The following ZNF831 variants were observed in gnomAD, a reference collection of about 807,000 sequenced individuals.
ZNF831 encodes the protein zinc finger protein 831.
A neutral mutation model predicts 95.8 loss-of-function variants in ZNF831; 59 were observed. The ratio of observed to expected loss-of-function variants is 0.62; its 90% CI spans 0.50 to 0.77. ZNF831 has a LOEUF of 0.77. ZNF831 is among the 30% of genes least tolerant of loss of function. The pLI is 0.00. For synonymous variants in ZNF831, 961 were observed against 925.5 expected (o/e 1.04, Z -0.70); for missense variants, 2,205 against 2,164.0 (o/e 1.02, Z -0.38).
intron 1 of ZNF831, among the ~76,000 whole-genome samples, chr20:59,132,696 A>G (rs1331497207): frequency 6.6e-6 from 1 of 151,934 alleles, no homozygotes; most frequent in Non-Finnish European, 1.5e-5. Context: ...ACTTTTTTGT[A>G]ATCACCAGAT....
chr20:59,251,893 A>T (rs1483474857), intron 4 of ZNF831, among the ~76,000 whole-genome samples: 1 of 152,254 alleles, frequency 6.6e-6, no homozygotes, highest in Non-Finnish European at 1.5e-5. Flanking sequence ...GCTGACAGGT[A>T]TTCTCCTAAA....
chr20:59,162,458 A>G (rs1980931451), upstream of ZNF831, among the ~76,000 whole-genome samples: 1 of 152,210 alleles, frequency 6.6e-6, no homozygotes, highest in South Asian at 2.1e-4. Context: ...GTCCAGTTTC[A>G]TTCTGGAATT....
intron 1 of ZNF831, among the ~76,000 whole-genome samples, chr20:59,173,473 C>T (rs1009808676): frequency 3.3e-5 from 5 of 152,100 alleles, no homozygotes; most frequent in South Asian, 4.1e-4. Flanking sequence ...CTCAAGGACG[C>T]GAAAAGAAAT....
chr20:59,156,527 AAAAT>A (rs548130607), intron 2 of ZNF831, among the ~76,000 whole-genome samples: 2 of 152,160 alleles, frequency 1.3e-5, no homozygotes, highest in African/African-American at 2.4e-5. Context: ...CTCTGTCTCA[AAAAT>A]AAATAAATAA....
intron 4 of ZNF831, among the ~76,000 whole-genome samples, chr20:59,231,893 G>A (rs983629261): frequency 6.6e-6 from 1 of 152,176 alleles, no homozygotes; most frequent in Non-Finnish European, 1.5e-5. Flanking sequence ...TATATGGTGA[G>A]CTACGGTAAT....
At chr20:59,197,597 G>A (rs1459139617) in intron 3 of ZNF831, among the ~76,000 whole-genome samples, 1 of 152,188 alleles carries the variant, frequency 6.6e-6, no homozygotes, top group Non-Finnish European at 1.5e-5. Flanking sequence ...GTGGCCCCCA[G>A]AGCAGGCTTG....
intron 1 of ZNF831, among the ~76,000 whole-genome samples, chr20:59,136,071 T>C (rs1179243802): frequency 2.6e-5 from 4 of 152,144 alleles, no homozygotes; most frequent in East Asian, 3.9e-4. Flanking sequence ...TTCCACGTGG[T>C]TGGGGGACTG....
intron 2 of ZNF831, among the ~76,000 whole-genome samples, chr20:59,149,949 C>T (rs973705207): frequency 3.3e-5 from 5 of 152,240 alleles, no homozygotes; most frequent in African/African-American, 7.2e-5. Context: ...CCAACGCCAG[C>T]GCCAGCCCCC....
intron 4 of ZNF831, among the ~76,000 whole-genome samples, chr20:59,228,970 C>A (rs1365643838): frequency 6.6e-6 from 1 of 152,166 alleles, no homozygotes; most frequent in South Asian, 2.1e-4. Context: ...CCCTCTCCTT[C>A]CCTTCCCAGC....
intron 1 of ZNF831, among the ~76,000 whole-genome samples, chr20:59,130,810 A>G (rs967257585): frequency 5.3e-5 from 8 of 151,936 alleles, no homozygotes; most frequent in African/African-American, 1.9e-4. Context: ...ACAGTTTTCT[A>G]GCCTCTGCTT....
intron 3 of ZNF831, among the ~76,000 whole-genome samples, chr20:59,203,330 A>C (rs1235812036): frequency 1.3e-5 from 2 of 152,188 alleles, no homozygotes; most frequent in Non-Finnish European, 2.9e-5. Context: ...TTTGATCGAC[A>C]GGGTCTCACT....
chr20:59,218,161 G>A (rs1366651055), intron 4 of ZNF831, among the ~76,000 whole-genome samples: 11 of 152,214 alleles, frequency 7.2e-5, no homozygotes, highest in Admixed American at 3.9e-4. Context: ...ATAAACAGAA[G>A]CCAGAGAGAT....
At chr20:59,147,533 A>G (rs1303856742) in intron 2 of ZNF831, among the ~76,000 whole-genome samples, 1 of 152,190 alleles carries the variant, frequency 6.6e-6, no homozygotes, top group African/African-American at 2.4e-5. Flanking sequence ...TTTGTTTTTT[A>G]AAAGGAAAGG....
At chr20:59,190,857 G>A (rs1983439149) in intron 1 of ZNF831, 127 bp from the exon 2 acceptor site, 2 of 762,284 alleles carry the variant, frequency 2.6e-6, no homozygotes, top group Non-Finnish European at 3.7e-6. Flanking sequence ...CTTGGGATGA[G>A]AGTACATTCC....
chr20:59,209,216 C>T (rs1238244253), intron 4 of ZNF831, among the ~76,000 whole-genome samples: 3 of 152,328 alleles, frequency 2.0e-5, no homozygotes, highest in East Asian at 3.9e-4. Flanking sequence ...TTGCAGACTC[C>T]AGCATGGATG....
At chr20:59,171,116 A>G (rs1433087162) in intron 1 of ZNF831, among the ~76,000 whole-genome samples, 1 of 152,198 alleles carries the variant, frequency 6.6e-6, no homozygotes, top group East Asian at 1.9e-4. Context: ...TGAGGCTGCA[A>G]GGTTGCAGAG....
At chr20:59,186,441 A>C (rs981786084) in intron 1 of ZNF831, among the ~76,000 whole-genome samples, 2 of 152,152 alleles carry the variant, frequency 1.3e-5, no homozygotes, top group East Asian at 1.9e-4. Flanking sequence ...ACTGAAATAA[A>C]TGGAGCGCTT....
chr20:59,199,010 CAT>C (rs1298389634), intron 3 of ZNF831, among the ~76,000 whole-genome samples: 1 of 152,082 alleles, frequency 6.6e-6, no homozygotes, highest in East Asian at 1.9e-4. Flanking sequence ...CACCCACACA[CAT>C]ATGTTTGTAG....
intron 1 of ZNF831, among the ~76,000 whole-genome samples, chr20:59,185,083 C>CATAT (rs1268875781): frequency 9.0e-6 from 1 of 110,558 alleles, no homozygotes; most frequent in African/African-American, 4.1e-5. Context: ...TTCCCTCGCT[C>CATAT]AAAGAGGTAA....
Sources: allele counts gnomAD v4.1 joint callset (sites outside exome capture counted in the v4.1 genomes callset), GRCh38; gene constraint gnomAD v4.1.1; transcripts MANE v1.5; gene names NCBI Gene and HGNC (gene_info 2026-07-23, HGNC 2026-07-21).